The following KLF7 variants were observed in gnomAD, a reference collection of about 807,000 sequenced individuals.
KLF7 encodes Krueppel-like factor 7.
KLF7 carries 2 observed loss-of-function variants against 27.3 expected under a neutral mutation model. The observed-to-expected ratio is 0.07, with a 90% CI of 0.03 to 0.23. The LOEUF (loss-of-function observed/expected upper bound fraction) is 0.23, where lower values mean the gene tolerates loss of function less well. Among genes scored for constraint, KLF7 ranks in the 10% least tolerant of loss-of-function variants. KLF7 has a pLI of 1.00. For synonymous variants in KLF7, 165 were observed against 162.4 expected (o/e 1.02, Z -0.12); for missense variants, 221 against 394.1 (o/e 0.56, Z 3.72).
In KLF7 at chr2:207,079,674, G is replaced by A. The variant is rs1373412262; in HGVS notation, c.*1539C>T. The A allele has an allele frequency of 6.6e-6, 1 of 152,154 alleles. No individual in the cohort carries two copies. Among genetic ancestry groups the A allele is most frequent in the Non-Finnish European group, 1.5e-5 (1 of 68,046 alleles). The allele number at this position is 152,154 out of a possible 1,614,324, so 9.4% of individuals were successfully genotyped here. A position where few individuals can be genotyped will look rare whatever the true frequency, so the allele number is the denominator to read the frequency against. On this transcript the variant is annotated 3_prime_UTR_variant, in exon 4 of 4. Coordinates refer to ENST00000309446, the MANE Select transcript of KLF7 (RefSeq NM_003709.4). ...CAAGTAAGGACTGTAGACTCCTTTG[G>A]AGTCAGCTTGCAGAGTAAATGTGAG...
upstream of KLF7, chr2:207,166,106 C>A (rs1245867315): frequency 6.1e-6 from 6 of 976,674 alleles, no homozygotes; most frequent in Non-Finnish European, 7.2e-6. Flanking sequence ...CCTGCTCTTC[C>A]CCCTCCCCAA....
At chr2:207,167,190 A>G, upstream of KLF7, 1 of 1,392,862 alleles carries the variant, frequency 7.2e-7, no homozygotes, top group Non-Finnish European at 9.3e-7. Flanking sequence ...GAGAGGAGGA[A>G]CTCGATTTCT....
chr2:207,106,027 TA>T (rs1241542314), intron 2 of KLF7, among the ~76,000 whole-genome samples: 4 of 152,262 alleles, frequency 2.6e-5, no homozygotes, highest in Admixed American at 1.3e-4. Context: ...ATGTTTTGGA[TA>T]TTTTGAGCTA....
upstream of KLF7, chr2:207,165,993 T>G: frequency 7.1e-6 from 7 of 992,014 alleles, no homozygotes; most frequent in Non-Finnish European, 8.4e-6. Context: ...AGGTTGCATT[T>G]TTTTCTCTCG....
At chr2:207,159,804 G>C (rs1384757915) in intron 1 of KLF7, among the ~76,000 whole-genome samples, 1 of 152,122 alleles carries the variant, frequency 6.6e-6, no homozygotes, top group African/African-American at 2.4e-5. Context: ...CAAGCATGTG[G>C]TACTGCTCGA....
chr2:207,150,997 T>TTAA (rs774012911), intron 1 of KLF7, among the ~76,000 whole-genome samples: 1 of 90,342 alleles, frequency 1.1e-5, no homozygotes, highest in East Asian at 3.4e-4. Context: ...TTCTCTTTAT[T>TTAA]AAAAAAAAAA....
chr2:207,162,410 G>A (rs890479201), intron 1 of KLF7, among the ~76,000 whole-genome samples: 3 of 152,194 alleles, frequency 2.0e-5, no homozygotes, highest in African/African-American at 7.2e-5. Context: ...TAAGCACAGT[G>A]TAATTTACAG....
chr2:207,091,602 T>C (rs2076514508), intron 2 of KLF7, among the ~76,000 whole-genome samples: 1 of 152,188 alleles, frequency 6.6e-6, no homozygotes, highest in Admixed American at 6.5e-5. Context: ...TAATCAAGAA[T>C]GCCCAATGAA....
intron 1 of KLF7, among the ~76,000 whole-genome samples, chr2:207,163,585 A>G (rs2078611660): frequency 6.6e-6 from 1 of 152,240 alleles, no homozygotes; most frequent in Admixed American, 6.5e-5. Flanking sequence ...CTTCCTCCAA[A>G]TCTGGCTTTA....
intron 1 of KLF7, among the ~76,000 whole-genome samples, chr2:207,153,015 T>G (rs2078285989): frequency 6.6e-6 from 1 of 152,196 alleles, no homozygotes; most frequent in Admixed American, 6.5e-5. Context: ...TCTAGGAGCT[T>G]ACTGTTTGTA....
intron 1 of KLF7, among the ~76,000 whole-genome samples, chr2:207,161,096 A>G (rs1036866144): frequency 6.7e-6 from 1 of 149,718 alleles, no homozygotes; most frequent in African/African-American, 2.5e-5. Flanking sequence ...ACTGAATGAT[A>G]ATGTTTGAAG....
intron 2 of KLF7, chr2:207,122,074 T>C (rs201558139): frequency 1.3e-5 from 2 of 152,204 alleles, no homozygotes; most frequent in East Asian, 1.9e-4. Context: ...GTCTTTCCAA[T>C]GTCTTGCCAT....
upstream of KLF7, among the ~76,000 whole-genome samples, chr2:207,168,985 A>C (rs529524034): frequency 3.3e-5 from 5 of 152,280 alleles, no homozygotes; most frequent in East Asian, 9.7e-4. Context: ...AGCATTTTAC[A>C]CATACCTCTG....
intron 2 of KLF7, among the ~76,000 whole-genome samples, chr2:207,109,279 T>C (rs984975967): frequency 6.6e-6 from 1 of 152,248 alleles, no homozygotes; most frequent in Non-Finnish European, 1.5e-5. Context: ...TCAGTTTTCT[T>C]AGCTATTCTG....
chr2:207,164,358 C>T (rs2078636371), intron 1 of KLF7, among the ~76,000 whole-genome samples: 1 of 152,176 alleles, frequency 6.6e-6, no homozygotes, highest in South Asian at 2.1e-4. Flanking sequence ...CCAGGACGGA[C>T]TGTACAAGTT....
intron 2 of KLF7, among the ~76,000 whole-genome samples, chr2:207,095,109 C>T (rs534248273): frequency 7.2e-4 from 96 of 133,462 alleles, no homozygotes; most frequent in South Asian, 3.6e-3. Flanking sequence ...GGCGCGATCT[C>T]GGCTCACTGC....
chr2:207,082,038 G>A (rs2076285282), intron 3 of KLF7, among the ~76,000 whole-genome samples: 1 of 152,066 alleles, frequency 6.6e-6, no homozygotes, highest in African/African-American at 2.4e-5. Flanking sequence ...AGGAAACTGA[G>A]GCTAAGGTGT....
At chr2:207,137,455 T>C (rs1047163327) in intron 1 of KLF7, among the ~76,000 whole-genome samples, 21 of 152,214 alleles carry the variant, frequency 1.4e-4, no homozygotes, top group African/African-American at 4.8e-4. Context: ...CAGAAGCTTT[T>C]CCTTCCCTCC....
At chr2:207,157,011 G>A (rs1361250032) in intron 1 of KLF7, among the ~76,000 whole-genome samples, 1 of 152,056 alleles carries the variant, frequency 6.6e-6, no homozygotes, top group African/African-American at 2.4e-5. Flanking sequence ...GGTCTGGGGT[G>A]CAGCCACGAT....
Sources: allele counts gnomAD v4.1 joint callset (sites outside exome capture counted in the v4.1 genomes callset), GRCh38; gene constraint gnomAD v4.1.1; transcripts MANE v1.5; gene names NCBI Gene and HGNC (gene_info 2026-07-23, HGNC 2026-07-21).